Variants in CAPN3 observed in about 807,000 individuals in gnomAD.
The protein encoded by CAPN3 is calpain 3.
Under a neutral mutation model 114.0 loss-of-function variants are expected in CAPN3, and 88 were observed. The observed-to-expected ratio is 0.77, with a 90% CI of 0.65 to 0.92. The LOEUF is 0.92. Among genes scored for constraint, CAPN3 ranks in the 40% least tolerant of loss-of-function variants. CAPN3 has a pLI of 0.00. For synonymous variants in CAPN3, 386 were observed against 382.9 expected (o/e 1.01, Z -0.09); for missense variants, 1,028 against 1,069.0 (o/e 0.96, Z 0.53).
chr15:42,411,837 C>A lies in CAPN3; in HGVS notation c.*64C>A. On this transcript the variant is annotated 3_prime_UTR_variant, in exon 24 of 24. Coordinates refer to ENST00000397163, the MANE Select transcript of CAPN3 (RefSeq NM_000070.3). ...AGGATTTCAGTTTCACCCTCTATTT[C>A]CAAAGCCATTTACCTCAAAGGACCC... The A allele has an allele frequency of 6.2e-7, 1 of 1,613,688 alleles. No individual in the cohort carries two copies. Among genetic ancestry groups the A allele is most frequent in the Non-Finnish European group, 8.5e-7 (1 of 1,179,792 alleles).
intron 3 of CAPN3, among the ~76,000 whole-genome samples, chr15:42,386,670 ACTT>A (rs1352235111): frequency 3.3e-5 from 5 of 152,088 alleles, no homozygotes; most frequent in Non-Finnish European, 1.5e-5. Flanking sequence ...GCTCCTGTAT[ACTT>A]CTTCCTCTCT....
At chr15:42,380,374 T>C (rs1452851383) in intron 1 of CAPN3, among the ~76,000 whole-genome samples, 2 of 119,018 alleles carry the variant, frequency 1.7e-5, no homozygotes, top group East Asian at 4.5e-4. Context: ...TTGTCTTTTT[T>C]TTTTTTTTTT....
intron 10 of CAPN3, among the ~76,000 whole-genome samples, chr15:42,401,360 T>C (rs2141198260): frequency 6.6e-6 from 1 of 151,720 alleles, no homozygotes; most frequent in African/African-American, 2.4e-5. Context: ...CCAACAGCGT[T>C]TAAGGGGCAG....
chr15:42,389,102 T>G lies in CAPN3; in HGVS notation c.801+6T>G. 6.2e-7 allele frequency: 1 copy of G among 1,613,632 alleles called. No individual in the cohort carries two copies. Among genetic ancestry groups the G allele is most frequent in the Non-Finnish European group, 8.5e-7 (1 of 1,179,836 alleles). ...TCATGGGCTGCTCCATTGATGTAAG[T>G]CTGGGGTGTGGGGCACAGGGTGGGG... On this transcript the variant is annotated splice_donor_region_variant and intron_variant, in intron 5 of 23. Coordinates refer to ENST00000397163, the MANE Select transcript of CAPN3 (RefSeq NM_000070.3).
intron 4 of CAPN3, 114 bp downstream of exon 4, chr15:42,388,000 T>G: frequency 7.7e-7 from 1 of 1,294,194 alleles, no homozygotes; most frequent in South Asian, 1.2e-5. Flanking sequence ...TGCATATGTG[T>G]GGGCATGCAA....
At chr15:42,362,599 A>G (rs368035530) in intron 1 of CAPN3, among the ~76,000 whole-genome samples, 3 of 152,218 alleles carry the variant, frequency 2.0e-5, no homozygotes, top group South Asian at 2.1e-4. Context: ...GATCACAGGA[A>G]CACTGCCCAT....
rs866034626 is a variant in CAPN3, at chr15:42,411,693, G to A, written c.2440-54G>A. ...GCCCCGTAAGATTCCTAGGGCGGGG[G>A]GGGGGGGGGTCACTCTTTTCTGATC... On this transcript the variant is annotated intron_variant, in intron 23 of 23. Transcript: ENST00000397163. 8.2e-5 allele frequency: 58 copies of A among 708,750 alleles called. 9 individuals are homozygous for A. The Middle Eastern group carries it at 5.9e-3, about 72-fold the overall frequency. The allele number at this position is 708,750 out of a possible 1,614,324, so 43.9% of individuals were successfully genotyped here.
Position 42,399,559 on chromosome 15 carries a change from C to T in CAPN3, c.1261C>T (p.Leu421=). The T allele has an allele frequency of 6.2e-7, 1 of 1,613,944 alleles. No individual in the cohort carries two copies. Among genetic ancestry groups the T allele is most frequent in the Non-Finnish European group, 8.5e-7 (1 of 1,179,826 alleles). Residue 421 remains leucine, a synonymous_variant, in exon 10 of 24, where the codon CTG becomes TTG. Transcript: ENST00000397163. ...GATCTGCAACCTCACGGCCGATGCT[C>T]TGCAGTCTGACAAGCTTCAGACCTG... is the stretch of plus-strand genomic sequence containing the variant. The part of the protein sequence containing the change: ...LEICNLTADA[L]QSDKLQTWTV...
chr15:42,405,908 T>C lies in CAPN3; in HGVS notation c.1783-18T>C. The C allele has an allele frequency of 1.2e-6, 2 of 1,608,308 alleles. No individual in the cohort carries two copies. Among genetic ancestry groups the C allele is most frequent in the Non-Finnish European group, 1.7e-6 (2 of 1,174,778 alleles). The stretch of plus-strand genomic sequence containing the variant: ...CTTTTCACTTATTCTGCATTTACTG[T>C]TTCCTTTTCTTATGCAGAAAAAGAA... On this transcript the variant is annotated intron_variant, in intron 14 of 23. Transcript: ENST00000397163.
intron 1 of CAPN3, among the ~76,000 whole-genome samples, chr15:42,380,078 C>T (rs930825447): frequency 9.2e-5 from 14 of 151,934 alleles, no homozygotes; most frequent in South Asian, 2.1e-4. Flanking sequence ...CCAGCCTGGG[C>T]GACAAGAGCG....
chr15:42,389,487 G>A (rs752474925), intron 5 of CAPN3, among the ~76,000 whole-genome samples: 4 of 152,136 alleles, frequency 2.6e-5, no homozygotes, highest in African/African-American at 7.2e-5. Flanking sequence ...ACACCTCCCC[G>A]CTTGAGACGT....
chr15:42,390,225 C>A, intron 6 of CAPN3, 129 bp downstream of exon 6: 2 of 1,057,348 alleles, frequency 1.9e-6, no homozygotes, highest in South Asian at 1.3e-5. Flanking sequence ...TCCCAAGGGT[C>A]TGGGTTGAAA....
intron 15 of CAPN3, among the ~76,000 whole-genome samples, chr15:42,407,143 C>T (rs1183895231): frequency 6.6e-6 from 1 of 152,198 alleles, no homozygotes; most frequent in Admixed American, 6.5e-5. Context: ...AGCAGCCGCT[C>T]TCCGTCCTTT....
At chr15:42,368,508 A>T (rs1235575321) in intron 1 of CAPN3, among the ~76,000 whole-genome samples, 3 of 152,324 alleles carry the variant, frequency 2.0e-5, no homozygotes, top group Middle Eastern at 3.4e-3. Flanking sequence ...TAATTTAATG[A>T]ATCAATATTA....
chr15:42,383,370 C>G (rs2053299675), intron 1 of CAPN3, among the ~76,000 whole-genome samples: 4 of 152,204 alleles, frequency 2.6e-5, no homozygotes, highest in Admixed American at 2.6e-4. Flanking sequence ...TGGCAGATCA[C>G]TTGAGGTCAG....
chr15:42,395,815 C>T (rs191216376), intron 8 of CAPN3, among the ~76,000 whole-genome samples: 5 of 152,228 alleles, frequency 3.3e-5, no homozygotes, highest in Admixed American at 1.3e-4. Flanking sequence ...TGTTCTCTGA[C>T]TGACTCCAAG....
At chr15:42,379,387 T>C (rs1277541123) in intron 1 of CAPN3, among the ~76,000 whole-genome samples, 1 of 152,194 alleles carries the variant, frequency 6.6e-6, no homozygotes, top group Non-Finnish European at 1.5e-5. Context: ...CCTATGAATT[T>C]GAGAAAATGG....
intron 6 of CAPN3, among the ~76,000 whole-genome samples, chr15:42,392,120 G>A (rs1385007980): frequency 3.3e-5 from 5 of 152,062 alleles, no homozygotes; most frequent in South Asian, 2.1e-4. Flanking sequence ...AGCCGAGATC[G>A]CGCCACTGCA....
At chr15:42,363,266 A>T (rs968817887) in intron 1 of CAPN3, among the ~76,000 whole-genome samples, 1 of 152,120 alleles carries the variant, frequency 6.6e-6, no homozygotes, top group East Asian at 1.9e-4. Context: ...TATATGATCT[A>T]TTTCTAGGAT....
Sources: allele counts gnomAD v4.1 joint callset (sites outside exome capture counted in the v4.1 genomes callset), GRCh38; gene constraint gnomAD v4.1.1; transcripts MANE v1.5; gene names NCBI Gene and HGNC (gene_info 2026-07-23, HGNC 2026-07-21).